The following LOC400499 variants were observed in gnomAD, a reference collection of about 807,000 sequenced individuals.
the LOC400499 span, chr16:11,501,960 G>T: frequency 2.5e-6 from 1 of 396,124 alleles, no homozygotes; most frequent in East Asian, 3.6e-5. Context: ...AAGGGGACGG[G>T]ATGACGCATC....
the LOC400499 span, chr16:11,401,119 G>A: frequency 5.0e-6 from 2 of 397,712 alleles, no homozygotes; most frequent in Non-Finnish European, 4.4e-6. Context: ...AGATCCCCAG[G>A]CTTCAGGAAG....
chr16:11,491,900 A>C, the LOC400499 span: 2 of 398,216 alleles, frequency 5.0e-6, no homozygotes, highest in East Asian at 3.6e-5. Flanking sequence ...TCCACCCAGG[A>C]GTATGATGTC....
At chr16:11,464,501 C>T in the LOC400499 span, among the ~76,000 whole-genome samples, 1 of 152,244 alleles carries the variant, frequency 6.6e-6, no homozygotes, top group Admixed American at 6.5e-5. Context: ...GACCCAACCC[C>T]TGCACACTAG....
the LOC400499 span, among the ~76,000 whole-genome samples, chr16:11,483,829 C>A: frequency 6.6e-6 from 1 of 151,704 alleles, no homozygotes; most frequent in South Asian, 2.1e-4. Context: ...GAGCCAAGAT[C>A]ATGCCACTGC....
the LOC400499 span, chr16:11,462,248 T>C: frequency 6.5e-7 from 1 of 1,531,820 alleles, no homozygotes; most frequent in South Asian, 1.2e-5. Flanking sequence ...CACCTCCAGC[T>C]GCGCCTGGAA....
At chr16:11,391,614 G>C in the LOC400499 span, 5 of 1,220,678 alleles carry the variant, frequency 4.1e-6, no homozygotes, top group Admixed American at 4.2e-5. Flanking sequence ...CCGGTGGAGA[G>C]GGGGGACATT....
At chr16:11,443,280 C>T in the LOC400499 span, 14 of 324,610 alleles carry the variant, frequency 4.3e-5, no homozygotes, top group Admixed American at 3.8e-4. Flanking sequence ...GCCGACATTG[C>T]GCAGCTGCAC....
At chr16:11,495,102 G>A in the LOC400499 span, among the ~76,000 whole-genome samples, 7 of 151,924 alleles carry the variant, frequency 4.6e-5, no homozygotes, top group East Asian at 1.9e-4. Flanking sequence ...CCAACTACTC[G>A]GGAGGCTAAG....
the LOC400499 span, among the ~76,000 whole-genome samples, chr16:11,478,893 T>C: frequency 5.9e-5 from 9 of 152,160 alleles, no homozygotes; most frequent in South Asian, 2.1e-4. Flanking sequence ...GGAGATTCTA[T>C]GGTTTTAAAA....
chr16:11,516,835 T>C, the LOC400499 span, among the ~76,000 whole-genome samples: 7 of 152,178 alleles, frequency 4.6e-5, no homozygotes, highest in African/African-American at 9.6e-5. Context: ...TTTGTAGAGA[T>C]AGATTCCCGC....
the LOC400499 span, among the ~76,000 whole-genome samples, chr16:11,496,099 T>C: frequency 2.7e-3 from 408 of 150,402 alleles, 1 homozygote; most frequent in African/African-American, 9.6e-3. Context: ...GGAGTCTTGC[T>C]CTTGTCACCC....
the LOC400499 span, among the ~76,000 whole-genome samples, chr16:11,400,466 C>T: frequency 1.8e-5 from 2 of 113,864 alleles, no homozygotes; most frequent in African/African-American, 7.1e-5. Context: ...TCTTCTGAGA[C>T]TGTCTCACTC....
chr16:11,384,002 C>T, the LOC400499 span: 2 of 1,231,832 alleles, frequency 1.6e-6, no homozygotes, highest in Non-Finnish European at 2.0e-6. Context: ...CTGCAGTCAC[C>T]ACCCACCTGG....
chr16:11,387,280 C>G, the LOC400499 span: 2 of 1,232,240 alleles, frequency 1.6e-6, no homozygotes, highest in South Asian at 8.2e-5. Flanking sequence ...GCAGCATCAC[C>G]ACCACTGAGC....
At chr16:11,489,452 G>A in the LOC400499 span, among the ~76,000 whole-genome samples, 1 of 152,188 alleles carries the variant, frequency 6.6e-6, no homozygotes, top group African/African-American at 2.4e-5. Context: ...GACCCATGAA[G>A]GTCCCTGGAG....
At chr16:11,489,536 C>T in the LOC400499 span, among the ~76,000 whole-genome samples, 1 of 152,106 alleles carries the variant, frequency 6.6e-6, no homozygotes, top group Non-Finnish European at 1.5e-5. Flanking sequence ...GAGCCCCCAA[C>T]CCTCCCCCCA....
the LOC400499 span, among the ~76,000 whole-genome samples, chr16:11,493,474 A>G: frequency 7.9e-5 from 12 of 152,068 alleles, no homozygotes; most frequent in Admixed American, 3.3e-4. Flanking sequence ...TGCTTCCCAC[A>G]CTACACACAG....
At chr16:11,386,247 C>T in the LOC400499 span, among the ~76,000 whole-genome samples, 2 of 152,144 alleles carry the variant, frequency 1.3e-5, no homozygotes, top group Non-Finnish European at 2.9e-5. Flanking sequence ...TGAGCTGTGG[C>T]TTGGGGGTGG....
chr16:11,459,633 G>A, the LOC400499 span, among the ~76,000 whole-genome samples: 4,131 of 152,270 alleles, frequency 0.027, 206 homozygotes, highest in East Asian at 0.19. Context: ...AAAGCGAACC[G>A]CTCTTTCAAA....
Sources: gnomAD v4.1 joint callset for allele counts (sites outside exome capture counted in the v4.1 genomes callset) on GRCh38, gnomAD v4.1.1 for gene constraint, MANE v1.5 for transcripts.